CHST15: variants seen among roughly 807,000 people sequenced by gnomAD.
CHST15 encodes the protein carbohydrate sulfotransferase 15.
In CHST15, 30 loss-of-function variants were observed where a neutral mutation model predicts 53.6. That is an observed-to-expected ratio of 0.56 (90% CI 0.42 to 0.76). The LOEUF (loss-of-function observed/expected upper bound fraction) is 0.76, where lower values mean the gene tolerates loss of function less well. Among genes scored for constraint, CHST15 ranks in the 30% least tolerant of loss-of-function variants. The probability of loss-of-function intolerance (pLI) is 0.00; values close to 1 mark genes in which losing one functional copy is unlikely to be tolerated. For missense variants in CHST15, 627 were observed against 740.5 expected (o/e 0.85, Z 1.78); for synonymous variants, 296 against 289.8 (o/e 1.02, Z -0.22).
At chr10:124,027,917 G>A (rs1947074536) in intron 5 of CHST15, among the ~76,000 whole-genome samples, 1 of 152,236 alleles carries the variant, frequency 6.6e-6, no homozygotes, top group Non-Finnish European at 1.5e-5. Context: ...ATCCACGGCT[G>A]ACTAGAGTGG....
intron 5 of CHST15, among the ~76,000 whole-genome samples, chr10:124,028,753 C>T (rs146104322): frequency 6.6e-6 from 1 of 152,340 alleles, no homozygotes; most frequent in Non-Finnish European, 1.5e-5. Flanking sequence ...CCTCCAGTTA[C>T]TGCTCCACGT....
At chr10:124,087,486 T>C (rs1016323075) in intron 1 of CHST15, among the ~76,000 whole-genome samples, 1 of 152,200 alleles carries the variant, frequency 6.6e-6, no homozygotes, top group African/African-American at 2.4e-5. Context: ...TTTGCCCATG[T>C]TGGGGTATTT....
At chr10:124,060,157 G>C (rs532926300) in intron 1 of CHST15, among the ~76,000 whole-genome samples, 27 of 150,894 alleles carry the variant, frequency 1.8e-4, no homozygotes, top group African/African-American at 6.1e-4. Flanking sequence ...TGTGTGCACA[G>C]GTGTGCCAGC....
intron 1 of CHST15, among the ~76,000 whole-genome samples, chr10:124,048,150 G>A (rs1226648585): frequency 1.3e-5 from 2 of 152,194 alleles, no homozygotes; most frequent in East Asian, 1.9e-4. Flanking sequence ...CCCACAAAAT[G>A]TTCTGCTTGC....
At position 124,019,005 on chromosome 10, in the gene CHST15, C is replaced by T. The variant is rs946135948; in HGVS notation, c.1347+2251G>A. Among the ~76,000 whole-genome samples the T allele has an allele frequency of 7.9e-5, 12 of 152,264 alleles. No homozygotes were observed. Among genetic ancestry groups the T allele is most frequent in the Admixed American group, 1.3e-4 (2 of 15,294 alleles). ...TTGTGTGCCAACCTCGGCATTTGAC[C>T]CATAATAGCCCTGGCTCTGAGCTGC... On this transcript the variant is annotated intron_variant, in intron 6 of 7. Coordinates refer to ENST00000435907, the MANE Select transcript of CHST15 (RefSeq NM_001270764.2). This position sits in a 1 kb window ranked among gnomAD's most constrained non-coding sequence, Gnocchi z 4.6.
intron 1 of CHST15, among the ~76,000 whole-genome samples, chr10:124,091,313 C>A (rs989395773): frequency 2.0e-5 from 3 of 152,138 alleles, no homozygotes; most frequent in African/African-American, 7.2e-5. Context: ...AGGGAGGGTT[C>A]CTGATTTTGC....
chr10:124,078,952 A>T (rs1949157247), intron 1 of CHST15, among the ~76,000 whole-genome samples: 1 of 152,188 alleles, frequency 6.6e-6, no homozygotes, highest in Non-Finnish European at 1.5e-5. Flanking sequence ...ATTTCAAAAT[A>T]AAAAATTAAA....
At chr10:124,020,578 G>C (rs989240025) in intron 6 of CHST15, 1 of 985,622 alleles carries the variant, frequency 1.0e-6, no homozygotes, top group Non-Finnish European at 1.2e-6. Context: ...CTTGCTATGC[G>C]AGACGCTGAG....
chr10:124,058,927 A>C (rs1030661444), intron 1 of CHST15, among the ~76,000 whole-genome samples: 2 of 152,208 alleles, frequency 1.3e-5, no homozygotes, highest in Non-Finnish European at 2.9e-5. Flanking sequence ...AAATGTCATA[A>C]TCTAAGAGGA....
Position 124,066,399 on chromosome 10 carries a change from G to C in CHST15, c.-512-19675C>G, listed in dbSNP as rs571422814. Among the ~76,000 whole-genome samples, 9 of 152,062 alleles carry C rather than the reference G, an allele frequency of 5.9e-5. No homozygotes were observed. In the East Asian group the frequency reaches 1.5e-3, roughly 26 times the overall value. ...CACCGCCAAGACGTGTTCTGTCACT[G>C]CTTCTGCATCTATTTCTGGGACTGA... On this transcript the variant is annotated intron_variant, in intron 1 of 7. Transcript: ENST00000435907.
chr10:124,023,328 T>C (rs536877338), intron 5 of CHST15, among the ~76,000 whole-genome samples: 57 of 151,672 alleles, frequency 3.8e-4, no homozygotes, highest in African/African-American at 1.3e-3. Flanking sequence ...CTACTAAAAA[T>C]ACAAAAAATT....
At chr10:124,041,636 C>T (rs1011186667) in intron 4 of CHST15, among the ~76,000 whole-genome samples, 15 of 151,990 alleles carry the variant, frequency 9.9e-5, no homozygotes, top group African/African-American at 2.7e-4. Flanking sequence ...CTATTTCCAT[C>T]GAAACATCAC....
At chr10:124,076,118 C>T (rs997563537) in intron 1 of CHST15, among the ~76,000 whole-genome samples, 6 of 152,156 alleles carry the variant, frequency 3.9e-5, no homozygotes, top group South Asian at 2.1e-4. Context: ...CACAGAGTCA[C>T]GACAGACACA....
At chr10:124,043,870 AGAACAGCACAGAGCAGAG>A (rs1389468287) in intron 3 of CHST15, among the ~76,000 whole-genome samples, 11 of 151,170 alleles carry the variant, frequency 7.3e-5, no homozygotes, top group African/African-American at 1.5e-4. Flanking sequence ...CACATAGCTG[AGAACAGCACAGAGCAGAG>A]GAACAGCACA....
chr10:124,049,316 G>A (rs1327238648), intron 1 of CHST15, among the ~76,000 whole-genome samples: 1 of 152,170 alleles, frequency 6.6e-6, no homozygotes, highest in Admixed American at 6.5e-5. Flanking sequence ...GATGGGGTGA[G>A]AGAAGCACCT....
At chr10:124,010,620 A>AC in intron 7 of CHST15, 1 of 985,418 alleles carries the variant, frequency 1.0e-6, no homozygotes, top group East Asian at 1.1e-4. Flanking sequence ...TCTAAGGCTG[A>AC]CCTCAAGGAT....
intron 4 of CHST15, among the ~76,000 whole-genome samples, chr10:124,039,583 G>A (rs959109999): frequency 2.0e-5 from 3 of 152,236 alleles, no homozygotes; most frequent in Non-Finnish European, 2.9e-5. Flanking sequence ...CTGGGTGAAC[G>A]GGAACTGGGT....
chr10:124,092,212 A>T (rs1949623944), intron 1 of CHST15: 1 of 152,696 alleles, frequency 6.5e-6, no homozygotes, highest in Non-Finnish European at 1.5e-5. Context: ...ACACAACCCA[A>T]CAGACTCGCA....
At chr10:124,041,848 T>A (rs1329834280) in intron 4 of CHST15, among the ~76,000 whole-genome samples, 2 of 152,170 alleles carry the variant, frequency 1.3e-5, no homozygotes, top group African/African-American at 4.8e-5. Context: ...CAGAGCTGAG[T>A]CTATTTCAGG....
Sources: allele counts gnomAD v4.1 joint callset (sites outside exome capture counted in the v4.1 genomes callset), GRCh38; gene constraint gnomAD v4.1.1; non-coding constraint Gnocchi (gnomAD v3.1); transcripts MANE v1.5; gene names NCBI Gene and HGNC (gene_info 2026-07-23, HGNC 2026-07-21).